ZFHX3: variants seen among roughly 807,000 people sequenced by gnomAD.
ZFHX3 encodes the protein zinc finger homeobox 3.
Under a neutral mutation model 279.1 loss-of-function variants are expected in ZFHX3, and 42 were observed. The observed-to-expected ratio is 0.15, with a 90% CI of 0.12 to 0.19. ZFHX3 has a LOEUF of 0.19. Among genes scored for constraint, ZFHX3 ranks in the 10% least tolerant of loss-of-function variants. The pLI is 1.00. For missense variants in ZFHX3, 4,981 were observed against 4,754.0 expected (o/e 1.05, Z -1.40); for synonymous variants, 2,293 against 1,957.8 (o/e 1.17, Z -4.52).
chr16:73,724,566 T>C (rs1364697174), intron 1 of ZFHX3, among the ~76,000 whole-genome samples: 1 of 152,204 alleles, frequency 6.6e-6, no homozygotes. Flanking sequence ...TGGTAGGCAT[T>C]TGAGTTTGGT....
intron 1 of ZFHX3, among the ~76,000 whole-genome samples, chr16:73,057,507 A>G (rs1002591414): frequency 6.6e-6 from 1 of 151,028 alleles, no homozygotes; most frequent in Non-Finnish European, 1.5e-5. Flanking sequence ...TGGGGAACCC[A>G]ACGTAAACAA....
At chr16:73,341,823 A>G (rs1021024108) in intron 3 of ZFHX3, among the ~76,000 whole-genome samples, 81 of 152,218 alleles carry the variant, frequency 5.3e-4, no homozygotes, top group Admixed American at 8.5e-4. Context: ...ATGCTCAAGT[A>G]AAGAAGCAAG....
Position 72,795,020 on chromosome 16 carries a change from C to T in ZFHX3, c.7662G>A (p.Leu2554=), listed in dbSNP as rs1469362219. ...GGTGGATGAACTGGTTCTGCGCGCTCAGGAAGTGGAGCTGCTGATGCTCCT... is the reference window on the plus strand; with the variant it reads ...GGTGGATGAACTGGTTCTGCGCGCTTAGGAAGTGGAGCTGCTGATGCTCCT... ...HWQEHQQLHF[L]SAQNQFIHPQ... is the part of the protein sequence containing the mutation. Residue 2554 remains leucine, a synonymous_variant, in exon 9 of 10, where the codon CTG becomes CTA. Transcript: ENST00000268489. 1 of 1,614,194 alleles carries T rather than the reference C, an allele frequency of 6.2e-7. No homozygotes were observed. The highest frequency in any genetic ancestry group is 1.7e-5 in the Admixed American group (1 of 60,024).
At chr16:73,545,152 AC>A (rs150889691) in intron 2 of ZFHX3, among the ~76,000 whole-genome samples, 6,728 of 151,890 alleles carry the variant, frequency 0.044, 427 homozygotes, top group Admixed American at 0.15. Context: ...CTTCCCCCCG[AC>A]CCCCACCTCT....
chr16:72,797,119 GCTGCTGCTGCGGCAAGAT>G lies in ZFHX3; in HGVS notation c.5545_5562del (p.Ile1849_Gln1854del). The G allele has an allele frequency of 1.1e-5, 17 of 1,613,566 alleles. No homozygotes were observed. Among genetic ancestry groups the G allele is most frequent in the Non-Finnish European group, 1.4e-5 (17 of 1,180,010 alleles). The stretch of plus-strand genomic sequence containing the variant: ...CTCTGGGCTATAGAGAGTTGGTTCT[GCTGCTGCTGCGGCAAGAT>G]CTGCTGATGGCTCTGCTGTGGGACC... On this transcript the variant is annotated inframe_deletion, in exon 9 of 10. Coordinates refer to ENST00000268489, the MANE Select transcript of ZFHX3 (RefSeq NM_006885.4).
chr16:73,243,214 G>A (rs770426314), intron 5 of ZFHX3, among the ~76,000 whole-genome samples: 2 of 152,198 alleles, frequency 1.3e-5, no homozygotes, highest in Non-Finnish European at 2.9e-5. Flanking sequence ...ATATAGGCCT[G>A]GTGGGATGGG....
chr16:73,250,682 C>T (rs1375273369), intron 5 of ZFHX3, among the ~76,000 whole-genome samples: 8 of 151,412 alleles, frequency 5.3e-5, no homozygotes, highest in African/African-American at 1.5e-4. Context: ...TACAGGTGCC[C>T]GCCACCACGT....
intron 5 of ZFHX3, among the ~76,000 whole-genome samples, chr16:73,254,181 T>C (rs2013595756): frequency 6.6e-6 from 1 of 152,156 alleles, no homozygotes; most frequent in African/African-American, 2.4e-5. Context: ...GACTTCTCAT[T>C]GGCCCAGGTG....
chr16:73,389,104 A>T (rs1291928862), intron 3 of ZFHX3: 2 of 152,238 alleles, frequency 1.3e-5, no homozygotes, highest in African/African-American at 4.8e-5. Context: ...ACACTCACAC[A>T]TACGTGCGGT....
intron 1 of ZFHX3, among the ~76,000 whole-genome samples, chr16:73,802,508 T>C (rs1597122288): frequency 6.6e-6 from 1 of 152,208 alleles, no homozygotes; most frequent in South Asian, 2.1e-4. Context: ...ACACTGATGA[T>C]AGGACACAAG....
intron 6 of ZFHX3, among the ~76,000 whole-genome samples, chr16:73,142,010 C>A (rs1245814890): frequency 1.3e-5 from 2 of 152,212 alleles, no homozygotes; most frequent in East Asian, 3.8e-4. Flanking sequence ...TAAAACTGAA[C>A]AAGGCTGCGA....
chr16:73,724,201 C>T (rs1440288723), intron 1 of ZFHX3, among the ~76,000 whole-genome samples: 1 of 152,102 alleles, frequency 6.6e-6, no homozygotes, highest in African/African-American at 2.4e-5. Flanking sequence ...GTTTAATACC[C>T]TCACATAACC....
intron 1 of ZFHX3, among the ~76,000 whole-genome samples, chr16:72,970,926 G>A (rs1019874778): frequency 1.2e-4 from 18 of 152,118 alleles, no homozygotes; most frequent in Non-Finnish European, 4.4e-5. Flanking sequence ...TTAAAGTTGT[G>A]GGAGTTCATT....
At chr16:73,524,343 T>C (rs2019656776) in intron 2 of ZFHX3, among the ~76,000 whole-genome samples, 1 of 152,208 alleles carries the variant, frequency 6.6e-6, no homozygotes, top group African/African-American at 2.4e-5. Flanking sequence ...GTCCAACCCC[T>C]TCATTGAACA....
intron 1 of ZFHX3, among the ~76,000 whole-genome samples, chr16:73,806,709 T>A (rs1259564655): frequency 2.0e-5 from 3 of 152,210 alleles, no homozygotes; most frequent in Non-Finnish European, 4.4e-5. Context: ...TGCCCTTTTT[T>A]AAAATCATCA....
intron 2 of ZFHX3, among the ~76,000 whole-genome samples, chr16:73,529,278 C>T (rs190444534): frequency 1.5e-3 from 223 of 152,218 alleles, no homozygotes; most frequent in Middle Eastern, 0.01. Context: ...AAAGGATTTG[C>T]TATTAATTTC....
At chr16:73,482,705 G>A (rs2018891112) in intron 2 of ZFHX3, among the ~76,000 whole-genome samples, 1 of 152,170 alleles carries the variant, frequency 6.6e-6, no homozygotes, top group African/African-American at 2.4e-5. Flanking sequence ...TCTGCAATGA[G>A]GTGATTAAAA....
intron 5 of ZFHX3, among the ~76,000 whole-genome samples, chr16:73,205,326 A>G (rs549438473): frequency 2.0e-5 from 3 of 152,236 alleles, no homozygotes; most frequent in Non-Finnish European, 2.9e-5. Flanking sequence ...TTAGTCTTGC[A>G]GAAAGCTACT....
At chr16:73,837,929 C>G (rs973090097) in intron 1 of ZFHX3, among the ~76,000 whole-genome samples, 5 of 152,236 alleles carry the variant, frequency 3.3e-5, no homozygotes, top group African/African-American at 7.2e-5. Context: ...AGCCACCGCA[C>G]CCAGCCTCCT....
Sources: gnomAD v4.1 joint callset for allele counts (sites outside exome capture counted in the v4.1 genomes callset) on GRCh38, gnomAD v4.1.1 for gene constraint, MANE v1.5 for transcripts, NCBI Gene and HGNC (gene_info 2026-07-23, HGNC 2026-07-21) for gene names.